Variants in MET observed in about 807,000 individuals in gnomAD.
MET encodes the protein MET proto-oncogene, receptor tyrosine kinase.
MET carries 48 observed loss-of-function variants against 133.1 expected under a neutral mutation model. The ratio of observed to expected loss-of-function variants is 0.36; its 90% CI spans 0.29 to 0.46. The LOEUF is 0.46. MET is among the 20% of genes least tolerant of loss of function. MET has a pLI of 1.00. For synonymous variants in MET, 628 were observed against 616.5 expected, an observed-to-expected ratio of 1.02 and a Z score of -0.28; for missense variants, 1,442 against 1,695.9, an observed-to-expected ratio of 0.85 and a Z score of 2.63.
chr7:116,757,961 T>C, intron 8 of MET, 187 bp downstream of exon 8: 1 of 659,586 alleles, frequency 1.5e-6, no homozygotes, highest in South Asian at 1.9e-5. Flanking sequence ...TTTTCTTCCT[T>C]TCTCTTGTTT....
At chr7:116,677,136 G>A (rs1401890456) in intron 1 of MET, among the ~76,000 whole-genome samples, 3 of 151,980 alleles carry the variant, frequency 2.0e-5, no homozygotes, top group Non-Finnish European at 2.9e-5. Context: ...GTCACAGTGG[G>A]ATTTGTTGAG....
intron 8 of MET, 105 bp from the exon 9 acceptor site, chr7:116,758,354 C>A: frequency 8.2e-7 from 1 of 1,215,764 alleles, no homozygotes; most frequent in Non-Finnish European, 1.2e-6. Flanking sequence ...CAGGAAATTC[C>A]CACTTAGGAA....
At chr7:116,783,173 C>A in intron 18 of MET, 131 bp from the exon 19 acceptor site, 2 of 1,016,816 alleles carry the variant, frequency 2.0e-6, no homozygotes, top group Non-Finnish European at 3.0e-6. Context: ...TCAATAGAGG[C>A]CAGATGAAAT....
chr7:116,754,657 A>G (rs1458442819), intron 5 of MET, among the ~76,000 whole-genome samples: 2 of 143,786 alleles, frequency 1.4e-5, no homozygotes, highest in African/African-American at 2.5e-5. Flanking sequence ...CTGTCTCTAG[A>G]AAAAAAAAAA....
intron 1 of MET, among the ~76,000 whole-genome samples, chr7:116,683,090 T>G (rs9641564): frequency 0.15 from 22,391 of 152,152 alleles, 2,809 homozygotes; most frequent in African/African-American, 0.34. Flanking sequence ...AAAAATTATA[T>G]TTTAGGCTCA....
intron 2 of MET, among the ~76,000 whole-genome samples, chr7:116,727,202 C>T (rs1792828456): frequency 6.6e-6 from 1 of 152,104 alleles, no homozygotes; most frequent in African/African-American, 2.4e-5. Flanking sequence ...TCTCGAAAGC[C>T]CTTTCCATTT....
intron 18 of MET, among the ~76,000 whole-genome samples, chr7:116,782,946 C>T (rs186583408): frequency 2.5e-4 from 38 of 152,286 alleles, no homozygotes; most frequent in Non-Finnish European, 3.7e-4. Context: ...AGTTGACAAG[C>T]GAAGATTGGT....
In MET at chr7:116,731,459, A is replaced by G. The variant is rs557013295; in HGVS notation, c.1201-209A>G. Among the ~76,000 whole-genome samples, 4 of 152,308 alleles carry G rather than the reference A, an allele frequency of 2.6e-5. No individual in the cohort carries two copies. In the East Asian group the frequency reaches 7.7e-4, roughly 29 times the overall value. On this transcript the variant is annotated intron_variant, in intron 2 of 20. Coordinates refer to ENST00000397752, the MANE Select transcript of MET (RefSeq NM_000245.4). Reference sequence around the variant, plus strand: ...ATTGAACCATGGTGTGAATTGCGATAGTAAGGTTTTAGAGTCTATAAATAA... The same window carrying G: ...ATTGAACCATGGTGTGAATTGCGATGGTAAGGTTTTAGAGTCTATAAATAA...
chr7:116,734,824 C>T (rs1048963907), intron 3 of MET, among the ~76,000 whole-genome samples: 7 of 152,196 alleles, frequency 4.6e-5, no homozygotes, highest in South Asian at 2.1e-4. Context: ...TACACAGCTA[C>T]GTGGGAGAGG....
chr7:116,731,618 C>G (rs368374512), intron 2 of MET, 50 bp from the exon 3 acceptor site: 3 of 1,593,340 alleles, frequency 1.9e-6, no homozygotes, highest in Non-Finnish European at 2.6e-6. Flanking sequence ...TTCTTACCAG[C>G]TTGTTCATGT....
intron 16 of MET, 92 bp downstream of exon 16, chr7:116,777,561 C>A: frequency 7.8e-7 from 1 of 1,285,182 alleles, no homozygotes; most frequent in South Asian, 1.2e-5. Flanking sequence ...ACACTTTCCC[C>A]TTGTGGAAAA....
chr7:116,751,472 G>C (rs1006475498), intron 5 of MET, among the ~76,000 whole-genome samples: 1 of 152,150 alleles, frequency 6.6e-6, no homozygotes, highest in African/African-American at 2.4e-5. Flanking sequence ...ACCTAATGTA[G>C]ATGACAGATA....
intron 2 of MET, chr7:116,724,644 C>A: frequency 4.5e-6 from 2 of 441,390 alleles, no homozygotes; most frequent in South Asian, 1.6e-5. Flanking sequence ...GTTCTGACAG[C>A]AGACTGATAA....
intron 19 of MET, among the ~76,000 whole-genome samples, chr7:116,787,976 A>G (rs1795369850): frequency 6.6e-6 from 1 of 152,224 alleles, no homozygotes. Context: ...GTGTCCATAC[A>G]ATGGACTAAA....
chr7:116,688,128 T>C (rs1796625557), intron 1 of MET, among the ~76,000 whole-genome samples: 1 of 152,228 alleles, frequency 6.6e-6, no homozygotes, highest in Non-Finnish European at 1.5e-5. Flanking sequence ...ACCAGCTTCC[T>C]CTCCAACTTG....
intron 2 of MET, among the ~76,000 whole-genome samples, chr7:116,727,367 T>A (rs1426102387): frequency 1.3e-5 from 2 of 152,198 alleles, no homozygotes; most frequent in Non-Finnish European, 2.9e-5. Flanking sequence ...AGTCTCCTCC[T>A]GAGGAGTGTG....
Position 116,749,818 on chromosome 7 carries a change from GACAA to G in MET, c.1702-5533_1702-5530del, listed in dbSNP as rs1373351272. Among the ~76,000 whole-genome samples the G allele has an allele frequency of 5.3e-5, 8 of 152,196 alleles. No homozygotes were observed. The East Asian group carries it at 5.8e-4, about 11-fold the overall frequency. Reference sequence around the variant, plus strand: ...CAGGCATTCCCATACACCAATAATAGACAAACAGAGAGCCAAATCATGAGTGAAG... The same window carrying G: ...CAGGCATTCCCATACACCAATAATAGACAGAGAGCCAAATCATGAGTGAAG... On this transcript the variant is annotated intron_variant, in intron 5 of 20. Transcript: ENST00000397752.
intron 2 of MET, among the ~76,000 whole-genome samples, chr7:116,706,637 A>C (rs1329270699): frequency 6.6e-6 from 1 of 152,066 alleles, no homozygotes; most frequent in Non-Finnish European, 1.5e-5. Flanking sequence ...TTATCTCCTC[A>C]GTCTAAAAAG....
intron 18 of MET, 79 bp from the exon 19 acceptor site, chr7:116,783,225 T>C (rs1438102219): frequency 6.5e-7 from 1 of 1,543,586 alleles, no homozygotes; most frequent in Admixed American, 1.7e-5. Flanking sequence ...TGAAGCCACT[T>C]GTTTAATCTG....
Sources: allele counts gnomAD v4.1 joint callset (sites outside exome capture counted in the v4.1 genomes callset), GRCh38; gene constraint gnomAD v4.1.1; transcripts MANE v1.5; gene names NCBI Gene and HGNC (gene_info 2026-07-23, HGNC 2026-07-21).